The following LSAMP variants were observed in gnomAD, a reference collection of about 807,000 sequenced individuals.
LSAMP encodes the protein limbic system-associated membrane protein.
In LSAMP, 7 loss-of-function variants were observed where a neutral mutation model predicts 38.6. That is an observed-to-expected ratio of 0.18 (90% confidence interval 0.10 to 0.34). The LOEUF is 0.34. LSAMP is among the 10% of genes least tolerant of loss of function. The probability of loss-of-function intolerance (pLI) is 1.00; values close to 1 mark genes in which losing one functional copy is unlikely to be tolerated. For missense variants in LSAMP, 313 were observed against 420.0 expected (o/e 0.75, Z 2.23); for synonymous variants, 154 against 166.8 (o/e 0.92, Z 0.59).
At chr3:116,266,162 T>A (rs2107664118) in intron 1 of LSAMP, among the ~76,000 whole-genome samples, 1 of 152,286 alleles carries the variant, frequency 6.6e-6, no homozygotes, top group East Asian at 1.9e-4. Flanking sequence ...TCCCTCCCTT[T>A]CTTCCCCACA....
intron 3 of LSAMP, among the ~76,000 whole-genome samples, chr3:115,895,493 C>A (rs78525147): frequency 0.015 from 2,249 of 151,992 alleles, 23 homozygotes; most frequent in Non-Finnish European, 0.023. Context: ...ATTTAGTAAA[C>A]AAAAATACAA....
intron 1 of LSAMP, among the ~76,000 whole-genome samples, chr3:116,219,620 A>T (rs1276417957): frequency 6.6e-6 from 1 of 152,226 alleles, no homozygotes; most frequent in South Asian, 2.1e-4. Flanking sequence ...AGGAAGTGGG[A>T]CTACATCAAA....
chr3:115,889,643 A>G (rs1008070184), intron 3 of LSAMP, among the ~76,000 whole-genome samples: 5 of 151,980 alleles, frequency 3.3e-5, no homozygotes, highest in Non-Finnish European at 7.4e-5. Context: ...CTTTGAGAGT[A>G]AAAACTAGCA....
chr3:115,822,340 TTCTTTC>T (rs1934267389), intron 6 of LSAMP, among the ~76,000 whole-genome samples: 1 of 149,936 alleles, frequency 6.7e-6, no homozygotes. Flanking sequence ...TCTTTCTTTC[TTCTTTC>T]TCTCTTTCTT....
chr3:115,982,359 T>G (rs1010650451), intron 3 of LSAMP, among the ~76,000 whole-genome samples: 1 of 152,224 alleles, frequency 6.6e-6, no homozygotes, highest in African/African-American at 2.4e-5. Flanking sequence ...CCTAGTTTAG[T>G]AACAGCTTCC....
chr3:116,400,381 T>C (rs771532746), intron 1 of LSAMP, among the ~76,000 whole-genome samples: 3 of 151,906 alleles, frequency 2.0e-5, no homozygotes, highest in Non-Finnish European at 2.9e-5. Flanking sequence ...CTTTTTTTTC[T>C]CTCTTTGTCT....
Position 116,445,266 on chromosome 3 carries a change from C to A in LSAMP, c.-235G>T. ...AGAAGGGTGAAAAGTAAAAGCAACA[C>A]AATTTCAAAAGAGAGAGTGCAAATA... On this transcript the variant is annotated 5_prime_UTR_variant, in exon 1 of 7. Coordinates refer to ENST00000490035, the MANE Select transcript of LSAMP (RefSeq NM_002338.5). 1 of 589,872 alleles carries A rather than the reference C, an allele frequency of 1.7e-6. No homozygotes were observed. The highest frequency in any genetic ancestry group is 3.0e-6 in the Non-Finnish European group (1 of 332,592). 36.5% of individuals were successfully genotyped at this position (589,872 alleles called of 1,614,324 possible).
intron 1 of LSAMP, among the ~76,000 whole-genome samples, chr3:116,411,928 C>T (rs1008325851): frequency 6.6e-6 from 1 of 151,710 alleles, no homozygotes; most frequent in Admixed American, 6.6e-5. Flanking sequence ...TAAGTTTGAC[C>T]CCCATTTCTC....
At chr3:116,369,962 A>G (rs549158237) in intron 1 of LSAMP, 3 of 152,676 alleles carry the variant, frequency 2.0e-5, no homozygotes, top group African/African-American at 7.2e-5. Context: ...TTCATTTTAA[A>G]CTTCCAACAA....
chr3:115,945,627 A>G (rs1938070798), intron 3 of LSAMP, among the ~76,000 whole-genome samples: 1 of 152,150 alleles, frequency 6.6e-6, no homozygotes, highest in Non-Finnish European at 1.5e-5. Flanking sequence ...TGACATTTAG[A>G]ATATCTTGTC....
chr3:116,204,149 C>T lies in LSAMP; in HGVS notation c.156-117593G>A, dbSNP rs532961365. On this transcript the variant is annotated intron_variant, in intron 1 of 6. Coordinates refer to ENST00000490035, the MANE Select transcript of LSAMP (RefSeq NM_002338.5). ...TTTTGATTTGCATTTCTCTGATAGCCAGTGATGATGAGCATTTTTTCATGT... is the reference window on the plus strand; with the variant it reads ...TTTTGATTTGCATTTCTCTGATAGCTAGTGATGATGAGCATTTTTTCATGT... Among the ~76,000 whole-genome samples the T allele has an allele frequency of 4.3e-3, 648 of 152,118 alleles. 7 individuals are homozygous for T. Among genetic ancestry groups the T allele is most frequent in the African/African-American group, 0.015 (612 of 41,490 alleles).
At chr3:116,301,550 A>G (rs2047408283) in intron 1 of LSAMP, among the ~76,000 whole-genome samples, 1 of 152,162 alleles carries the variant, frequency 6.6e-6, no homozygotes, top group Non-Finnish European at 1.5e-5. Context: ...CTTTCCCAAA[A>G]CGGTTTCTTG....
intron 1 of LSAMP, among the ~76,000 whole-genome samples, chr3:116,430,734 A>C (rs1014598574): frequency 6.6e-6 from 1 of 151,962 alleles, no homozygotes; most frequent in Non-Finnish European, 1.5e-5. Context: ...GGGATAAATA[A>C]TTTATCAATG....
intron 1 of LSAMP, among the ~76,000 whole-genome samples, chr3:116,109,556 T>C (rs1267535753): frequency 2.0e-5 from 3 of 152,180 alleles, no homozygotes; most frequent in Non-Finnish European, 2.9e-5. Context: ...GACCATTTGC[T>C]CATTTTACAA....
intron 3 of LSAMP, among the ~76,000 whole-genome samples, chr3:115,858,708 T>G (rs1266061498): frequency 1.3e-5 from 2 of 152,166 alleles, no homozygotes; most frequent in Non-Finnish European, 2.9e-5. Context: ...GAATTTATCT[T>G]GCAAGGTGTA....
intron 1 of LSAMP, among the ~76,000 whole-genome samples, chr3:116,411,646 G>A (rs1169192554): frequency 2.6e-5 from 3 of 114,696 alleles, no homozygotes; most frequent in African/African-American, 9.9e-5. Context: ...GGAGGGGGGA[G>A]GGATAGCATT....
At chr3:116,221,602 GTCTC>G (rs1253231587) in intron 1 of LSAMP, among the ~76,000 whole-genome samples, 4 of 152,268 alleles carry the variant, frequency 2.6e-5, no homozygotes, top group African/African-American at 7.2e-5. Context: ...ATCTAGAAAA[GTCTC>G]TCTGTTTGTG....
At chr3:116,260,939 G>A (rs990796116) in intron 1 of LSAMP, among the ~76,000 whole-genome samples, 1 of 152,172 alleles carries the variant, frequency 6.6e-6, no homozygotes, top group African/African-American at 2.4e-5. Flanking sequence ...CCTGGGAAAG[G>A]ATGCAGCTGA....
intron 4 of LSAMP, among the ~76,000 whole-genome samples, chr3:115,842,902 A>G (rs1935040720): frequency 6.6e-6 from 1 of 152,200 alleles, no homozygotes; most frequent in Non-Finnish European, 1.5e-5. Context: ...AAATATTTGT[A>G]TAGTTTTTTC....
Sources: allele counts gnomAD v4.1 joint callset (sites outside exome capture counted in the v4.1 genomes callset), GRCh38; gene constraint gnomAD v4.1.1; transcripts MANE v1.5; gene names NCBI Gene and HGNC (gene_info 2026-07-23, HGNC 2026-07-21).